Variants in SEMA6A observed in about 807,000 individuals in gnomAD.
SEMA6A encodes the protein semaphorin-6A.
Under a neutral mutation model 96.8 loss-of-function variants are expected in SEMA6A, and 25 were observed. The ratio of observed to expected loss-of-function variants is 0.26; its 90% CI spans 0.19 to 0.36. The LOEUF (loss-of-function observed/expected upper bound fraction) is 0.36, where lower values mean the gene tolerates loss of function less well. Ranked by LOEUF, SEMA6A falls within the 10% of genes least tolerant of loss-of-function variation. The pLI is 1.00. For missense variants in SEMA6A, 1,363 were observed against 1,323.1 expected (o/e 1.03, Z -0.47); for synonymous variants, 612 against 518.0 (o/e 1.18, Z -2.46).
rs142840876 is a variant in SEMA6A, at chr5:116,515,320, A to AT, written c.-38-10339dup. Among the ~76,000 whole-genome samples, 1,495 of 152,144 alleles carry AT rather than the reference A, an allele frequency of 9.8e-3. 26 individuals carry two copies. The highest frequency in any genetic ancestry group is 0.034 in the African/African-American group (1,413 of 41,508). ...AGAATAAAGATTGTGTCTGATTACT[A>AT]TTTTTTCTAAGAATATGACAGAGAA... On this transcript the variant is annotated intron_variant, in intron 1 of 18. Coordinates refer to ENST00000343348, the MANE Select transcript of SEMA6A (RefSeq NM_020796.5).
intron 1 of SEMA6A, among the ~76,000 whole-genome samples, chr5:116,509,492 C>T (rs1758305481): frequency 1.3e-5 from 2 of 152,256 alleles, no homozygotes; most frequent in African/African-American, 4.8e-5. Flanking sequence ...TCCTAGTCTC[C>T]TCACCTGTAA....
intron 1 of SEMA6A, among the ~76,000 whole-genome samples, chr5:116,528,391 C>T (rs1759320971): frequency 6.6e-6 from 1 of 152,184 alleles, no homozygotes; most frequent in South Asian, 2.1e-4. Flanking sequence ...CCAGCCCCAT[C>T]CTCATTCGCC....
At chr5:116,487,055 A>AAAAC (rs1398990638) in intron 9 of SEMA6A, 89 bp from the exon 10 acceptor site, 7 of 910,958 alleles carry the variant, frequency 7.7e-6, no homozygotes, top group Non-Finnish European at 1.1e-5. Flanking sequence ...AAACAGAAAC[A>AAAAC]AAACAACAAG....
intron 7 of SEMA6A, 46 bp from the exon 8 acceptor site, chr5:116,489,053 TG>T: frequency 6.6e-7 from 1 of 1,524,976 alleles, no homozygotes. Context: ...AGCAAGTCAG[TG>T]GGGGTGGAGG....
At chr5:116,563,651 A>G (rs1760908516) in intron 1 of SEMA6A, among the ~76,000 whole-genome samples, 1 of 152,260 alleles carries the variant, frequency 6.6e-6, no homozygotes, top group Admixed American at 6.5e-5. Flanking sequence ...TGTTGTGTCT[A>G]ACCCGACACC....
intron 1 of SEMA6A, among the ~76,000 whole-genome samples, chr5:116,551,612 A>G (rs73780374): frequency 0.2 from 30,759 of 152,044 alleles, 3,325 homozygotes; most frequent in African/African-American, 0.27. Flanking sequence ...CTAGAGAGTG[A>G]TGGATTTGAA....
At chr5:116,540,249 A>G (rs569369412) in intron 1 of SEMA6A, among the ~76,000 whole-genome samples, 1 of 152,354 alleles carries the variant, frequency 6.6e-6, no homozygotes, top group African/African-American at 2.4e-5. Flanking sequence ...CATGCCTTTG[A>G]TTCACAATCA....
chr5:116,543,738 A>C, intron 1 of SEMA6A, among the ~76,000 whole-genome samples: 1 of 152,220 alleles, frequency 6.6e-6, no homozygotes, highest in African/African-American at 2.4e-5. Context: ...GTGCTGGCAG[A>C]AGAAAAAGAA....
chr5:116,475,122 G>A (rs1018076205), intron 16 of SEMA6A, among the ~76,000 whole-genome samples: 3 of 152,026 alleles, frequency 2.0e-5, no homozygotes, highest in African/African-American at 7.2e-5. Flanking sequence ...TTTGTTAGTC[G>A]ATATGTTCAA....
At chr5:116,524,235 G>A (rs181147713) in intron 1 of SEMA6A, among the ~76,000 whole-genome samples, 3 of 152,256 alleles carry the variant, frequency 2.0e-5, no homozygotes, top group Admixed American at 6.5e-5. Context: ...AATACTGCAC[G>A]AGGAAGCCTA....
intron 18 of SEMA6A, among the ~76,000 whole-genome samples, chr5:116,461,364 A>C (rs1755383963): frequency 6.6e-6 from 1 of 152,060 alleles, no homozygotes; most frequent in Non-Finnish European, 1.5e-5. Flanking sequence ...CTTTTTCTGA[A>C]GTCTCCTTGA....
At position 116,447,601 on chromosome 5, in the gene SEMA6A, A is replaced by G; in HGVS notation, c.2105T>C (p.Val702Ala). 6 of 1,613,974 alleles carry G rather than the reference A, an allele frequency of 3.7e-6. No individual in the cohort carries two copies. Among genetic ancestry groups the G allele is most frequent in the Non-Finnish European group, 5.1e-6 (6 of 1,179,872 alleles). Residue 702 changes from valine (V) to alanine (A), a missense_variant, in exon 19 of 19, where the codon GTC becomes GCC. This residue lies in a region of SEMA6A where 883 missense variants were observed against 763.6 expected (regional missense o/e 1.16). Coordinates refer to ENST00000343348, the MANE Select transcript of SEMA6A (RefSeq NM_020796.5). ...THSRRGSMSS[V>A]TKLSGLFGDT... ...CCCAAAGAGGCCGCTGAGCTTGGTGACGCTGCTCATGGAGCCCCGGCGCGA... is the reference window on the plus strand; with the variant it reads ...CCCAAAGAGGCCGCTGAGCTTGGTGGCGCTGCTCATGGAGCCCCGGCGCGA...
chr5:116,512,122 T>G (rs1758430848), intron 1 of SEMA6A, among the ~76,000 whole-genome samples: 1 of 152,192 alleles, frequency 6.6e-6, no homozygotes. Flanking sequence ...CAGCTCTGTT[T>G]CAAGGACCGC....
intron 18 of SEMA6A, among the ~76,000 whole-genome samples, chr5:116,455,033 C>G (rs1754919477): frequency 6.6e-6 from 1 of 152,140 alleles, no homozygotes; most frequent in South Asian, 2.1e-4. Flanking sequence ...TAGATGAACC[C>G]ACTTCCACTT....
At chr5:116,467,509 G>A in intron 18 of SEMA6A, 74 bp downstream of exon 18, 1 of 1,436,462 alleles carries the variant, frequency 7.0e-7, no homozygotes, top group South Asian at 1.5e-5. Context: ...AAATTCAGCT[G>A]GAAGCAGTTA....
intron 1 of SEMA6A, among the ~76,000 whole-genome samples, chr5:116,548,361 C>T (rs1297266753): frequency 6.6e-6 from 1 of 152,110 alleles, no homozygotes; most frequent in Non-Finnish European, 1.5e-5. Flanking sequence ...GAGCAGAAAA[C>T]TTGCTTTGGA....
chr5:116,522,361 A>G (rs896711562), intron 1 of SEMA6A, among the ~76,000 whole-genome samples: 13 of 152,184 alleles, frequency 8.5e-5, no homozygotes. Context: ...CTAAACTAGA[A>G]AGAAAAAAGG....
intron 1 of SEMA6A, among the ~76,000 whole-genome samples, chr5:116,538,406 A>T (rs1759819872): frequency 6.6e-6 from 1 of 152,162 alleles, no homozygotes. Context: ...GGTGTCCTCA[A>T]CTTGGACTGC....
intron 18 of SEMA6A, chr5:116,449,362 C>G (rs1007007647): frequency 5.7e-6 from 4 of 702,212 alleles, no homozygotes; most frequent in African/African-American, 5.2e-5. Context: ...TAAATCAACT[C>G]TTTCTGGAAT....
Sources: allele counts gnomAD v4.1 joint callset (sites outside exome capture counted in the v4.1 genomes callset), GRCh38; gene constraint gnomAD v4.1.1; regional missense constraint gnomAD v4.1.1; transcripts MANE v1.5; gene names NCBI Gene and HGNC (gene_info 2026-07-23, HGNC 2026-07-21).